Variants in DCLK1 observed in about 807,000 individuals in gnomAD.
DCLK1 encodes the protein doublecortin like kinase 1.
DCLK1 carries 16 observed loss-of-function variants against 86.2 expected under a neutral mutation model. The ratio of observed to expected loss-of-function variants is 0.19; its 90% confidence interval spans 0.13 to 0.28. DCLK1 has a LOEUF of 0.28. Ranked by LOEUF, DCLK1 falls within the 10% of genes least tolerant of loss-of-function variation. The pLI is 1.00. For missense variants in DCLK1, 590 were observed against 940.2 expected, an observed-to-expected ratio of 0.63 and a Z score of 4.87; for synonymous variants, 369 against 370.5, an observed-to-expected ratio of 1.00 and a Z score of 0.05.
At chr13:35,821,143 T>C (rs747928560) in intron 11 of DCLK1, among the ~76,000 whole-genome samples, 5 of 152,056 alleles carry the variant, frequency 3.3e-5, no homozygotes, top group Admixed American at 6.5e-5. Context: ...GGGCAGGTCA[T>C]TTAACTTCTA....
intron 5 of DCLK1, among the ~76,000 whole-genome samples, chr13:35,867,963 A>AAGAAAGAG (rs796441369): frequency 0.037 from 4,979 of 134,082 alleles, 155 homozygotes; most frequent in Middle Eastern, 0.075. Context: ...GAAAGAAAGA[A>AAGAAAGAG]AGAGAAAAAG....
chr13:35,824,743 T>C (rs1407160142), intron 10 of DCLK1, among the ~76,000 whole-genome samples: 1 of 152,162 alleles, frequency 6.6e-6, no homozygotes, highest in African/African-American at 2.4e-5. Flanking sequence ...ACCATTCTTT[T>C]CCCACAGCCG....
chr13:35,960,930 G>T (rs1878422072), intron 3 of DCLK1, among the ~76,000 whole-genome samples: 1 of 152,184 alleles, frequency 6.6e-6, no homozygotes, highest in South Asian at 2.1e-4. Flanking sequence ...GTCCCTAGTG[G>T]TCCAGTCCAT....
Position 35,854,544 on chromosome 13 carries a change from C to A in DCLK1, c.990G>T (p.Ser330=), listed in dbSNP as rs200783749. ...SQLSTPRSGK[S]PSPSPTSPGS... ...CTGGGCTGGTGGGTGATGGGCTTGG[C>A]GACTTGCCTGAGCGCGGAGTAGAGA... The change falls in exon 6 of 17, where the codon TCG becomes TCT. Residue 330 remains serine (S), a synonymous_variant. Transcript: ENST00000360631. The A allele has an allele frequency of 1.2e-6, 2 of 1,606,170 alleles. No individual in the cohort carries two copies. Among genetic ancestry groups the A allele is most frequent in the African/African-American group, 1.3e-5 (1 of 74,808 alleles).
chr13:35,994,075 A>G (rs777379869), intron 3 of DCLK1, among the ~76,000 whole-genome samples: 80 of 149,932 alleles, frequency 5.3e-4, no homozygotes, highest in Non-Finnish European at 8.7e-4. Flanking sequence ...GCCCTTTGAA[A>G]AAAAGAAAAG....
At position 36,082,144 on chromosome 13, in the gene DCLK1, C is replaced by G. The variant is rs1010163804; in HGVS notation, c.723+29725G>C. ...TGAGTGTGCCTGCCTCTCCTGCCTC[C>G]CCTTTCACCTCCTCCACCTCTTCTG... On this transcript the variant is annotated intron_variant, in intron 3 of 16. Transcript: ENST00000360631. 1.1e-4 allele frequency among the ~76,000 whole-genome samples: 17 copies of G among 152,148 alleles called. No homozygotes were observed. In the East Asian group the frequency reaches 3.1e-3, roughly 28 times the overall value.
chr13:35,810,239 G>C lies in DCLK1; in HGVS notation c.1688+596C>G, dbSNP rs905088216. On this transcript the variant is annotated intron_variant, in intron 12 of 16. Coordinates refer to ENST00000360631, the MANE Select transcript of DCLK1 (RefSeq NM_001330071.2). ...GGGAATCAAACCATCGACTGGAAGA[G>C]TAAGAAGTAAAGGAGTTTCAGGCCT... 1.2e-4 allele frequency among the ~76,000 whole-genome samples: 18 copies of C among 152,340 alleles called. No individual in the cohort carries two copies. The East Asian group carries it at 3.5e-3, about 29-fold the overall frequency.
At position 35,774,779 on chromosome 13, in the gene DCLK1, G is replaced by T. The variant is rs1026255771; in HGVS notation, c.2059-80C>A. On this transcript the variant is annotated intron_variant, in intron 16 of 16. Coordinates refer to ENST00000360631, the MANE Select transcript of DCLK1 (RefSeq NM_001330071.2). The stretch of plus-strand genomic sequence containing the variant: ...ACAAACTCTTTCTAGAACTTTCTGA[G>T]GTCAGAAAAAATACACTGGCCAAGT... 3.4e-5 allele frequency: 50 copies of T among 1,477,986 alleles called. 1 individual carries two copies. In the South Asian group the frequency reaches 6.2e-4, roughly 18 times the overall value. The allele number at this position is 1,477,986 out of a possible 1,614,324, so 91.6% of individuals were successfully genotyped here. A position where few individuals can be genotyped will look rare whatever the true frequency, so the allele number is the denominator to read the frequency against.
At chr13:35,913,204 G>A (rs1229719214) in intron 4 of DCLK1, among the ~76,000 whole-genome samples, 3 of 152,218 alleles carry the variant, frequency 2.0e-5, no homozygotes, top group African/African-American at 7.2e-5. Flanking sequence ...AGGGCCTTGT[G>A]TTAGTTCAGT....
At chr13:35,952,532 C>A (rs1394499240) in intron 3 of DCLK1, among the ~76,000 whole-genome samples, 1 of 152,168 alleles carries the variant, frequency 6.6e-6, no homozygotes, top group African/African-American at 2.4e-5. Flanking sequence ...TAACTCAGGG[C>A]CTCTTGAGAT....
At chr13:36,022,581 G>A (rs1449520651) in intron 3 of DCLK1, among the ~76,000 whole-genome samples, 1 of 151,902 alleles carries the variant, frequency 6.6e-6, no homozygotes, top group African/African-American at 2.4e-5. Flanking sequence ...AGTAAAAGAG[G>A]GGTCATCACT....
At chr13:35,870,987 T>C (rs1204404225) in intron 5 of DCLK1, among the ~76,000 whole-genome samples, 1 of 152,248 alleles carries the variant, frequency 6.6e-6, no homozygotes, top group Non-Finnish European at 1.5e-5. Flanking sequence ...CTTCTATTTG[T>C]GGGCAAATCT....
chr13:36,060,443 A>G (rs1883499086), intron 3 of DCLK1, among the ~76,000 whole-genome samples: 2 of 152,164 alleles, frequency 1.3e-5, no homozygotes, highest in South Asian at 4.2e-4. Flanking sequence ...AGAACGATTA[A>G]TGGAGTCTTC....
chr13:36,031,272 C>A (rs1882258547), intron 3 of DCLK1, among the ~76,000 whole-genome samples: 2 of 145,578 alleles, frequency 1.4e-5, no homozygotes, highest in South Asian at 2.2e-4. Context: ...GTTTTAAGCA[C>A]AAAAGAGTGA....
intron 3 of DCLK1, among the ~76,000 whole-genome samples, chr13:35,959,451 C>G (rs771131011): frequency 7.2e-5 from 11 of 152,164 alleles, no homozygotes; most frequent in Non-Finnish European, 1.3e-4. Context: ...AACACCCCCC[C>G]ACCTATAAAT....
chr13:35,851,695 T>C (rs1305911837), intron 6 of DCLK1, among the ~76,000 whole-genome samples: 1 of 152,136 alleles, frequency 6.6e-6, no homozygotes, highest in East Asian at 1.9e-4. Context: ...CTTAAATAAC[T>C]CTGCTTCGGA....
intron 4 of DCLK1, among the ~76,000 whole-genome samples, chr13:35,938,073 T>C (rs1876861260): frequency 1.3e-5 from 2 of 152,172 alleles, no homozygotes; most frequent in South Asian, 4.1e-4. Context: ...CTATCATTGA[T>C]TTTTAGAAAA....
At chr13:36,037,485 T>G (rs1882546324) in intron 3 of DCLK1, among the ~76,000 whole-genome samples, 1 of 152,036 alleles carries the variant, frequency 6.6e-6, no homozygotes, top group Non-Finnish European at 1.5e-5. Flanking sequence ...GGTTTTTGTT[T>G]TGTTTTGTTT....
rs572649267 is a variant in DCLK1, at chr13:35,786,014, T to C, written c.2058+7352A>G. ...AGTACAGCACTAACTATAAACATTG[T>C]TGTTACTGCCCCAGCTGGAAAACAG... On this transcript the variant is annotated intron_variant, in intron 16 of 16. Coordinates refer to ENST00000360631, the MANE Select transcript of DCLK1 (RefSeq NM_001330071.2). Among the ~76,000 whole-genome samples the C allele has an allele frequency of 1.2e-3, 189 of 152,328 alleles. 1 individual carries two copies. The highest frequency in any genetic ancestry group is 3.5e-3 in the African/African-American group (147 of 41,572).
Sources: gnomAD v4.1 joint callset for allele counts (sites outside exome capture counted in the v4.1 genomes callset) on GRCh38, gnomAD v4.1.1 for gene constraint, MANE v1.5 for transcripts, NCBI Gene and HGNC (gene_info 2026-07-23, HGNC 2026-07-21) for gene names.